ZFP28: variants seen among roughly 807,000 people sequenced by gnomAD.
The protein encoded by ZFP28 is zinc finger protein 28 homolog.
A neutral mutation model predicts 39.5 loss-of-function variants in ZFP28; 31 were observed. The ratio of observed to expected loss-of-function variants is 0.79; its 90% CI spans 0.59 to 1.06. The LOEUF is 1.06. ZFP28 is among the 50% of genes least tolerant of loss of function. ZFP28 has a pLI of 0.00. For missense variants in ZFP28, 925 were observed against 1,048.4 expected (o/e 0.88, Z 1.63); for synonymous variants, 400 against 378.6 (o/e 1.06, Z -0.66).
intron 7 of ZFP28, 45 bp from the exon 8 acceptor site, chr19:56,553,639 C>A: frequency 6.6e-7 from 1 of 1,520,226 alleles, no homozygotes; most frequent in Non-Finnish European, 8.8e-7. Context: ...TTCCTTTTTC[C>A]TAGCACACGA....
Position 56,554,320 on chromosome 19 carries a change from A to G in ZFP28, c.1535A>G (p.Lys512Arg), listed in dbSNP as rs1053870024. The G allele has an allele frequency of 6.2e-7, 1 of 1,614,172 alleles. No homozygotes were observed. The highest frequency in any genetic ancestry group is 8.5e-7 in the Non-Finnish European group (1 of 1,180,024). Residue 512 changes from lysine to arginine, a missense_variant, in exon 8 of 8, where the codon AAA (lysine) becomes AGA (arginine). Physicochemically the swap from Lys to Arg is conservative, Grantham distance 26. Transcript: ENST00000301318. The surrounding 1 kb of genome is among the most constrained non-coding windows in gnomAD (Gnocchi z 6.7). ...EKPFDCIDCGKAFSDHIGLNQ... is the reference protein window; with the variant it reads ...EKPFDCIDCGRAFSDHIGLNQ... ...CCCTTTGATTGCATCGATTGTGGGA[A>G]AGCCTTCAGTGACCACATAGGGCTT...
Position 56,554,788 on chromosome 19 carries a change from C to T in ZFP28, c.2003C>T (p.Thr668Ile), listed in dbSNP as rs1186936082. ...CTTGCACAGCATCAGAAAACCCATA[C>T]AGGAGAGAAACCATATGAGTGCAAG... is the stretch of plus-strand genomic sequence containing the variant. ...AHLAQHQKTH[T>I]GEKPYECKEC... The change falls in exon 8 of 8, where the codon ACA becomes ATA. Residue 668 changes from threonine to isoleucine, a missense_variant. Physicochemically the swap from Thr to Ile is moderately conservative, Grantham distance 89. Around this residue, in one of 2 missense-constraint regions of ZFP28, gnomAD observed 369 missense variants for 505.5 expected, o/e 0.73. Transcript: ENST00000301318. This position sits in a 1 kb window ranked among gnomAD's most constrained non-coding sequence, Gnocchi z 6.7. The T allele has an allele frequency of 3.7e-6, 6 of 1,614,140 alleles. No homozygotes were observed. The highest frequency in any genetic ancestry group is 2.7e-5 in the African/African-American group (2 of 75,016).
At position 56,547,290 on chromosome 19, in the gene ZFP28, C is replaced by T. The variant is rs2044250608; in HGVS notation, c.301-218C>T. ...TCTCTTCCTGTTTTAATAAGGACAC[C>T]AGACAGATTGGGTTAGGGCCCCACC... On this transcript the variant is annotated intron_variant, in intron 2 of 7. Transcript: ENST00000301318. The surrounding 1 kb of genome is among the most constrained non-coding windows in gnomAD (Gnocchi z 4.6). The T allele has an allele frequency of 5.0e-6, 3 of 599,510 alleles. No individual in the cohort carries two copies. The highest frequency in any genetic ancestry group is 3.0e-5 in the East Asian group (1 of 33,474). The allele number at this position is 599,510 out of a possible 1,614,324, so 37.1% of individuals were successfully genotyped here.
At chr19:56,541,197 A>G (rs984403963) in intron 2 of ZFP28, among the ~76,000 whole-genome samples, 48 of 152,204 alleles carry the variant, frequency 3.2e-4, no homozygotes, top group Admixed American at 1.6e-3. Flanking sequence ...AGCTCCTCCC[A>G]CAGTTTGAGT....
At chr19:56,538,925 G>C (rs1361775402), upstream of ZFP28, 50 of 1,120,420 alleles carry the variant, frequency 4.5e-5, no homozygotes, top group Non-Finnish European at 5.2e-5. Flanking sequence ...GGGAGCGCGC[G>C]CGGGGCTGTT....
At chr19:56,542,747 T>G (rs2044206520) in intron 2 of ZFP28, among the ~76,000 whole-genome samples, 1 of 148,700 alleles carries the variant, frequency 6.7e-6, no homozygotes, top group Non-Finnish European at 1.5e-5. Flanking sequence ...AAAATGTGCT[T>G]CGTCCCTGAT....
Position 56,554,706 on chromosome 19 carries a change from G to A in ZFP28, c.1921G>A (p.Gly641Arg). 1 of 1,614,172 alleles carries A rather than the reference G, an allele frequency of 6.2e-7. No homozygotes were observed. Among genetic ancestry groups the A allele is most frequent in the African/African-American group, 1.3e-5 (1 of 75,030 alleles). ...TGCCACTCATCAGAGAATCCATACTGGAGAGAAGCCCTATGAATGTAAGGT... is the reference window on the plus strand; with the variant it reads ...TGCCACTCATCAGAGAATCCATACTAGAGAGAAGCCCTATGAATGTAAGGT... ...QLATHQRIHT[G>R]EKPYECKVCS... is the part of the protein sequence containing the mutation. The change falls in exon 8 of 8, where the codon GGA (glycine) becomes AGA (arginine). Residue 641 changes from glycine (G) to arginine (R), a missense_variant. Gly to Arg is a moderately radical substitution (Grantham distance 125). Coordinates refer to ENST00000301318, the MANE Select transcript of ZFP28 (RefSeq NM_020828.2). The surrounding 1 kb of genome is among the most constrained non-coding windows in gnomAD (Gnocchi z 6.7).
chr19:56,547,089 G>C lies in ZFP28; in HGVS notation c.301-419G>C, dbSNP rs2044248034. On this transcript the variant is annotated intron_variant, in intron 2 of 7. Transcript: ENST00000301318. This position sits in a 1 kb window ranked among gnomAD's most constrained non-coding sequence, Gnocchi z 4.6. ...TAGGGCTGCCAGAACAAATACCACAGAATGGGTGTCTTAAACAACAGAAAT... is the reference window on the plus strand; with the variant it reads ...TAGGGCTGCCAGAACAAATACCACACAATGGGTGTCTTAAACAACAGAAAT... The C allele has an allele frequency of 5.5e-6, 1 of 182,584 alleles. No individual in the cohort carries two copies. The highest frequency in any genetic ancestry group is 1.2e-5 in the Non-Finnish European group (1 of 86,146). The allele number at this position is 182,584 out of a possible 1,614,324, so 11.3% of individuals were successfully genotyped here.
chr19:56,538,118 T>TA (rs1262378550), upstream of ZFP28: 1 of 152,106 alleles, frequency 6.6e-6, no homozygotes, highest in Non-Finnish European at 1.5e-5. Flanking sequence ...TGCAAATACA[T>TA]AGGTTACAAA....
chr19:56,550,435 A>C (rs1224255235), intron 6 of ZFP28, 75 bp from the exon 7 acceptor site: 2 of 1,294,080 alleles, frequency 1.5e-6, no homozygotes, highest in Non-Finnish European at 2.2e-6. Context: ...ACACTTTTCT[A>C]TCAACAAGGA....
chr19:56,549,078 T>C lies in ZFP28; in HGVS notation c.644T>C (p.Leu215Ser). 4.3e-6 allele frequency: 7 copies of C among 1,613,546 alleles called. No homozygotes were observed. Among genetic ancestry groups the C allele is most frequent in the Non-Finnish European group, 5.9e-6 (7 of 1,179,820 alleles). Reference protein sequence around the residue: ...LTSYNLEYSLLGEHWDYDALF... With the variant: ...LTSYNLEYSLSGEHWDYDALF... The stretch of plus-strand genomic sequence containing the variant: ...AGCTATAATCTGGAGTACTCTCTGT[T>C]AGGGGAACACTGGGATTATGATGCT... Residue 215 changes from leucine (L) to serine (S), a missense_variant, in exon 5 of 8, where the codon TTA becomes TCA. Leu to Ser is a moderately radical substitution (Grantham distance 145, BLOSUM62 -2). This residue lies in a region of ZFP28 where 556 missense variants were observed against 542.9 expected (regional missense o/e 1.02). Transcript: ENST00000301318.
Position 56,554,396 on chromosome 19 carries a change from A to G in ZFP28, c.1611A>G (p.Val537=), listed in dbSNP as rs1371989926. ...GAGAGAAACCTTACAAATGTGATGTATGTCACAAATCCTTCAGGTATGGTT... is the reference window on the plus strand; with the variant it reads ...GAGAGAAACCTTACAAATGTGATGTGTGTCACAAATCCTTCAGGTATGGTT... The part of the protein sequence containing the change: ...HTGEKPYKCD[V]CHKSFRYGSS... The change falls in exon 8 of 8, where the codon GTA becomes GTG. Residue 537 remains valine, a synonymous_variant. Coordinates refer to ENST00000301318, the MANE Select transcript of ZFP28 (RefSeq NM_020828.2). This position sits in a 1 kb window ranked among gnomAD's most constrained non-coding sequence, Gnocchi z 6.7. The G allele has an allele frequency of 2.5e-6, 4 of 1,614,062 alleles. No homozygotes were observed. The Admixed American group carries it at 6.7e-5, about 27-fold the overall frequency.
At chr19:56,550,481 C>T (rs749849258) in intron 6 of ZFP28, 29 bp from the exon 7 acceptor site, 2 of 1,599,614 alleles carry the variant, frequency 1.3e-6, no homozygotes, top group Non-Finnish European at 1.7e-6. Context: ...AGACTATTGG[C>T]CAAACCTCAT....
chr19:56,549,896 C>G (rs1353496058), intron 5 of ZFP28, among the ~76,000 whole-genome samples, 171 bp from the exon 6 acceptor site: 2 of 152,152 alleles, frequency 1.3e-5, no homozygotes, highest in Admixed American at 1.3e-4. Context: ...TTTCCCCAAA[C>G]ATGTATGCTA....
Position 56,553,877 on chromosome 19 carries a change from T to A in ZFP28, c.1092T>A (p.His364Gln). 1 of 1,614,132 alleles carries A rather than the reference T, an allele frequency of 6.2e-7. No individual in the cohort carries two copies. Among genetic ancestry groups the A allele is most frequent in the Middle Eastern group, 1.6e-4 (1 of 6,062 alleles). Residue 364 changes from histidine (H) to glutamine (Q), a missense_variant, in exon 8 of 8, where the codon CAT becomes CAA. Physicochemically the swap from His to Gln is conservative, Grantham distance 24. Coordinates refer to ENST00000301318, the MANE Select transcript of ZFP28 (RefSeq NM_020828.2). ...ETQFRQEPIT[H>Q]NKTLSKERER... The stretch of plus-strand genomic sequence containing the variant: ...AATTCAGGCAAGAGCCAATTACTCA[T>A]AACAAAACCCTCTCTAAGGAAAGAG...
At chr19:56,551,755 A>G in intron 7 of ZFP28, 2 of 984,394 alleles carry the variant, frequency 2.0e-6, no homozygotes, top group Non-Finnish European at 2.4e-6. Context: ...AAAGAAGTTG[A>G]ACATTTTTTC....
chr19:56,540,122 G>T (rs992406996), intron 2 of ZFP28, among the ~76,000 whole-genome samples: 2 of 152,214 alleles, frequency 1.3e-5, no homozygotes, highest in Admixed American at 6.5e-5. Flanking sequence ...CTCACAGCCT[G>T]TTGACCCAAT....
intron 7 of ZFP28, 83 bp downstream of exon 7, chr19:56,550,688 A>G (rs745904213): frequency 2.5e-6 from 4 of 1,603,306 alleles, no homozygotes; most frequent in Non-Finnish European, 3.4e-6. Flanking sequence ...CCTCACTAAT[A>G]TACAGTAGGA....
In ZFP28 at chr19:56,539,605, G is replaced by C; in HGVS notation, c.209-20G>C. ...GACTGTGGTGTAGACCTGGTCTCTA[G>C]CTACTCCTTTCTCTTTCAGCTCTGC... On this transcript the variant is annotated intron_variant, in intron 1 of 7. Coordinates refer to ENST00000301318, the MANE Select transcript of ZFP28 (RefSeq NM_020828.2). 6.2e-7 allele frequency: 1 copy of C among 1,608,688 alleles called. No homozygotes were observed. Among genetic ancestry groups the C allele is most frequent in the Non-Finnish European group, 8.5e-7 (1 of 1,175,426 alleles).
Sources: allele counts gnomAD v4.1 joint callset (sites outside exome capture counted in the v4.1 genomes callset), GRCh38; gene constraint gnomAD v4.1.1; regional missense constraint gnomAD v4.1.1; non-coding constraint Gnocchi (gnomAD v3.1); transcripts MANE v1.5; gene names NCBI Gene and HGNC (gene_info 2026-07-23, HGNC 2026-07-21).